RANBP17: variants seen among roughly 807,000 people sequenced by gnomAD.
RANBP17 encodes the protein ran-binding protein 17.
RANBP17 carries 158 observed loss-of-function variants against 141.2 expected under a neutral mutation model. That is an observed-to-expected ratio of 1.12 (90% CI 0.98 to 1.28). RANBP17 has a LOEUF of 1.28. RANBP17 is among the 50% of genes most tolerant of loss of function. The pLI is 0.00. For missense variants in RANBP17, 1,438 were observed against 1,290.7 expected (o/e 1.11, Z -1.75); for synonymous variants, 430 against 450.0 (o/e 0.96, Z 0.56).
chr5:171,265,800 C>A lies in RANBP17; in HGVS notation c.2896C>A (p.Gln966Lys). 6.2e-7 allele frequency: 1 copy of A among 1,614,076 alleles called. No homozygotes were observed. The highest frequency in any genetic ancestry group is 1.1e-5 in the South Asian group (1 of 91,058). ...ATGCAGAGAGGCTACCCAGGCTGGTCAGAGACTATTACATTTTATGCAGCA... is the reference window on the plus strand; with the variant it reads ...ATGCAGAGAGGCTACCCAGGCTGGTAAGAGACTATTACATTTTATGCAGCA... ...LRCREATQAGQRLLHFMQQNP... is the reference protein window; with the variant it reads ...LRCREATQAGKRLLHFMQQNP... Residue 966 changes from glutamine to lysine, a missense_variant, in exon 25 of 28, where the codon CAG becomes AAG. Physicochemically the swap from Gln to Lys is moderately conservative, Grantham distance 53 (BLOSUM62 1). Coordinates refer to ENST00000523189, the MANE Select transcript of RANBP17 (RefSeq NM_022897.5).
intron 14 of RANBP17, among the ~76,000 whole-genome samples, chr5:171,016,914 C>G (rs1436129766): frequency 6.8e-6 from 1 of 147,390 alleles, no homozygotes; most frequent in East Asian, 2.0e-4. Flanking sequence ...CCCCCCCACC[C>G]CCCAACAGGC....
chr5:170,900,909 T>C (rs573650061), intron 5 of RANBP17, among the ~76,000 whole-genome samples: 1 of 152,326 alleles, frequency 6.6e-6, no homozygotes, highest in Non-Finnish European at 1.5e-5. Flanking sequence ...TTGCATTTGC[T>C]GAGGAGTGCT....
chr5:171,018,652 C>T (rs569020422), intron 14 of RANBP17, among the ~76,000 whole-genome samples: 11 of 152,098 alleles, frequency 7.2e-5, no homozygotes, highest in East Asian at 5.8e-4. Flanking sequence ...TAAGGAGTTT[C>T]GGGGCTGAGA....
chr5:170,894,412 A>G (rs1769922050), intron 4 of RANBP17, among the ~76,000 whole-genome samples: 1 of 151,278 alleles, frequency 6.6e-6, no homozygotes, highest in Non-Finnish European at 1.5e-5. Flanking sequence ...CTGGAAGACC[A>G]AAAGAAACAA....
chr5:171,290,686 G>T lies in RANBP17; in HGVS notation c.2944-3197G>T, dbSNP rs116450867. On this transcript the variant is annotated intron_variant, in intron 25 of 27. Coordinates refer to ENST00000523189, the MANE Select transcript of RANBP17 (RefSeq NM_022897.5). ...GCTTTCTGAACTGTTTCCTATTTTG[G>T]TTGTATATGTGTCTGTGTTTTACCT... Among the ~76,000 whole-genome samples the T allele has an allele frequency of 5.4e-3, 824 of 152,250 alleles. 5 individuals carry two copies. Among genetic ancestry groups the T allele is most frequent in the African/African-American group, 0.019 (774 of 41,534 alleles).
At chr5:170,951,318 A>G (rs1183153104) in intron 12 of RANBP17, among the ~76,000 whole-genome samples, 1 of 152,160 alleles carries the variant, frequency 6.6e-6, no homozygotes, top group Non-Finnish European at 1.5e-5. Flanking sequence ...TGCATGTAAC[A>G]AAGTATCACA....
Position 171,112,054 on chromosome 5 carries a change from A to G in RANBP17, c.1711-58076A>G, listed in dbSNP as rs774751768. 2.0e-5 allele frequency among the ~76,000 whole-genome samples: 3 copies of G among 152,188 alleles called. No individual in the cohort carries two copies. In the East Asian group the frequency reaches 5.8e-4, roughly 29 times the overall value. On this transcript the variant is annotated intron_variant, in intron 14 of 27. Coordinates refer to ENST00000523189, the MANE Select transcript of RANBP17 (RefSeq NM_022897.5). ...AGTTATTCTTCTGTTCTTATTATACATAGCAAAGTCATCTTGTCCTCACCA... is the reference window on the plus strand; with the variant it reads ...AGTTATTCTTCTGTTCTTATTATACGTAGCAAAGTCATCTTGTCCTCACCA...
chr5:171,089,288 G>C lies in RANBP17; in HGVS notation c.1711-80842G>C, dbSNP rs10073814. Among the ~76,000 whole-genome samples, 647 of 103,154 alleles carry C rather than the reference G, an allele frequency of 6.3e-3. 25 individuals are homozygous for C. The highest frequency in any genetic ancestry group is 0.031 in the Middle Eastern group (6 of 194). The allele number at this position is 103,154 out of a possible 152,430, so 67.7% of individuals were successfully genotyped here. On this transcript the variant is annotated intron_variant, in intron 14 of 27. Coordinates refer to ENST00000523189, the MANE Select transcript of RANBP17 (RefSeq NM_022897.5). The stretch of plus-strand genomic sequence containing the variant: ...GGCTGCTCGGGGGTCACGGGTCAGG[G>C]ACCCACTTGAGGAGGCAGTCTGCCC...
At chr5:171,083,317 A>G (rs2127712718) in intron 14 of RANBP17, among the ~76,000 whole-genome samples, 1 of 152,286 alleles carries the variant, frequency 6.6e-6, no homozygotes, top group Admixed American at 6.5e-5. Context: ...GATGCCAAAA[A>G]GCTAGCCCAC....
At chr5:170,895,249 A>T (rs1770017593) in intron 4 of RANBP17, among the ~76,000 whole-genome samples, 1 of 152,270 alleles carries the variant, frequency 6.6e-6, no homozygotes, top group African/African-American at 2.4e-5. Context: ...GACCAACTAT[A>T]AAATTAAGAT....
intron 14 of RANBP17, among the ~76,000 whole-genome samples, chr5:171,066,683 C>A (rs529583405): frequency 6.6e-6 from 1 of 152,132 alleles, no homozygotes; most frequent in Admixed American, 6.5e-5. Context: ...TGGATTTATA[C>A]CCAGTAGTGA....
chr5:170,885,131 A>G (rs1288471401), intron 3 of RANBP17, among the ~76,000 whole-genome samples: 1 of 152,132 alleles, frequency 6.6e-6, no homozygotes, highest in Non-Finnish European at 1.5e-5. Flanking sequence ...ATTTTAGCAT[A>G]CTTTTAATTT....
chr5:171,137,333 T>A (rs932530176), intron 14 of RANBP17, among the ~76,000 whole-genome samples: 1 of 152,174 alleles, frequency 6.6e-6, no homozygotes, highest in Admixed American at 6.5e-5. Context: ...ATAATAGACA[T>A]CTATTCTAGG....
rs1445946725 is a variant in RANBP17, at chr5:170,952,921, G to GC, written c.1469-671dup. Among the ~76,000 whole-genome samples the GC allele has an allele frequency of 4.6e-5, 7 of 152,002 alleles. No homozygotes were observed. In the South Asian group the frequency reaches 8.3e-4, roughly 18 times the overall value. On this transcript the variant is annotated intron_variant, in intron 12 of 27. Coordinates refer to ENST00000523189, the MANE Select transcript of RANBP17 (RefSeq NM_022897.5). ...ATTTCTAAATTAGTCAATTTCAGCTGCCCCCAAAGTAAGATTTATGAAAAC... is the reference window on the plus strand; with the variant it reads ...ATTTCTAAATTAGTCAATTTCAGCTGCCCCCCAAAGTAAGATTTATGAAAAC...
At chr5:171,211,001 C>CAAAA (rs949233363) in intron 20 of RANBP17, among the ~76,000 whole-genome samples, 6 of 75,390 alleles carry the variant, frequency 8.0e-5, no homozygotes, top group South Asian at 5.0e-4. Context: ...AAGACCCCGT[C>CAAAA]AAAAAAAAAA....
At chr5:171,137,846 T>C (rs1757419256) in intron 14 of RANBP17, among the ~76,000 whole-genome samples, 1 of 151,878 alleles carries the variant, frequency 6.6e-6, no homozygotes, top group Non-Finnish European at 1.5e-5. Flanking sequence ...TATCTCTACT[T>C]TTTTAATGTC....
chr5:171,223,718 T>G (rs1439104837), intron 22 of RANBP17, among the ~76,000 whole-genome samples: 1 of 152,244 alleles, frequency 6.6e-6, no homozygotes, highest in Non-Finnish European at 1.5e-5. Flanking sequence ...TAAAAAATTT[T>G]CTAAATACAA....
rs1044423101 is a variant in RANBP17, at chr5:170,919,546, A to G, written c.1207A>G (p.Thr403Ala). 2.2e-5 allele frequency: 36 copies of G among 1,610,450 alleles called. No individual in the cohort carries two copies. Among genetic ancestry groups the G allele is most frequent in the Non-Finnish European group, 2.8e-5 (33 of 1,178,674 alleles). The stretch of plus-strand genomic sequence containing the variant: ...ATCAACTGAACCCCACCTATTAGAC[A>G]CTTATGCACCAGAAATCACGAAGGC... ...VKSTEPHLLDTYAPEITKAFI... is the reference protein window; with the variant it reads ...VKSTEPHLLDAYAPEITKAFI... The change falls in exon 11 of 28, where the codon ACT becomes GCT. Residue 403 changes from threonine to alanine, a missense_variant. Transcript: ENST00000523189.
At chr5:171,004,544 C>G (rs555029029) in intron 14 of RANBP17, among the ~76,000 whole-genome samples, 3 of 152,020 alleles carry the variant, frequency 2.0e-5, no homozygotes, top group Non-Finnish European at 2.9e-5. Flanking sequence ...GGGTAGCCCC[C>G]GTATCGATTA....
Sources: allele counts gnomAD v4.1 joint callset (sites outside exome capture counted in the v4.1 genomes callset), GRCh38; gene constraint gnomAD v4.1.1; transcripts MANE v1.5; gene names NCBI Gene and HGNC (gene_info 2026-07-23, HGNC 2026-07-21).